PLCG1: variants seen among roughly 807,000 people sequenced by gnomAD.
PLCG1 encodes the protein 1-phosphatidylinositol 4,5-bisphosphate phosphodiesterase gamma-1.
PLCG1 carries 71 observed loss-of-function variants against 177.8 expected under a neutral mutation model. That is an observed-to-expected ratio of 0.40 (90% CI 0.33 to 0.49). The LOEUF is 0.49. Ranked by LOEUF, PLCG1 falls within the 20% of genes least tolerant of loss-of-function variation. The pLI, the probability that PLCG1 is intolerant of heterozygous loss-of-function variation, is 0.72. For missense variants in PLCG1, 1,281 were observed against 1,709.0 expected, an observed-to-expected ratio of 0.75 and a Z score of 4.42; for synonymous variants, 658 against 647.9, an observed-to-expected ratio of 1.02 and a Z score of -0.24.
At position 41,161,290 on chromosome 20, in the gene PLCG1, G is replaced by A. The variant is rs1351423620; in HGVS notation, c.512+1137G>A. Among the ~76,000 whole-genome samples, 17 of 152,162 alleles carry A rather than the reference G, an allele frequency of 1.1e-4. 1 individual carries two copies. The highest frequency in any genetic ancestry group is 1.1e-3 in the Admixed American group (17 of 15,288). On this transcript the variant is annotated intron_variant, in intron 4 of 31. Coordinates refer to ENST00000685551, the MANE Select transcript of PLCG1 (RefSeq NM_002660.3). ...ACCCTTGGATTTAACATGGTGAGAA[G>A]AGCGGTGTCACCCTAGCGGTGAGGG...
chr20:41,168,657 C>T (rs2035784921), intron 20 of PLCG1, 110 bp from the exon 21 acceptor site: 1 of 686,762 alleles, frequency 1.5e-6, no homozygotes, highest in Non-Finnish European at 2.7e-6. Context: ...TCCCACTGGC[C>T]TGACCCCAGG....
In PLCG1 at chr20:41,167,747, A is replaced by C. The variant is rs2035750857; in HGVS notation, c.2302-105A>C. On this transcript the variant is annotated intron_variant, in intron 19 of 31. Transcript: ENST00000685551. This position sits in a 1 kb window ranked among gnomAD's most constrained non-coding sequence, Gnocchi z 4.4. ...CGAAGGATCCCTGTGGATCAGGTGCAAGTTTGCTGCACTGGGGGAAAGGGA... is the reference window on the plus strand; with the variant it reads ...CGAAGGATCCCTGTGGATCAGGTGCCAGTTTGCTGCACTGGGGGAAAGGGA... 10 of 784,912 alleles carry C rather than the reference A, an allele frequency of 1.3e-5. No individual in the cohort carries two copies. Among genetic ancestry groups the C allele is most frequent in the Non-Finnish European group, 2.2e-5 (10 of 448,584 alleles). The allele number at this position is 784,912 out of a possible 1,614,324, so 48.6% of individuals were successfully genotyped here.
intron 4 of PLCG1, among the ~76,000 whole-genome samples, chr20:41,162,165 A>C (rs2035520498): frequency 6.7e-6 from 1 of 149,140 alleles, no homozygotes; most frequent in East Asian, 2.0e-4. Flanking sequence ...CCCATGCCTG[A>C]CCCACTTTAC....
rs892985754 is a variant in PLCG1 at position 41,164,881 on chromosome 20, G to C, written c.1218-52G>C. On this transcript the variant is annotated intron_variant, in intron 12 of 31. Coordinates refer to ENST00000685551, the MANE Select transcript of PLCG1 (RefSeq NM_002660.3). This position sits in a 1 kb window ranked among gnomAD's most constrained non-coding sequence, Gnocchi z 6.4. ...ACAGCTCACTGTGAGGGGCTACTTAGACCCAGAGAATTGCAGAATCTGTTT... is the reference window on the plus strand; with the variant it reads ...ACAGCTCACTGTGAGGGGCTACTTACACCCAGAGAATTGCAGAATCTGTTT... 5.1e-6 allele frequency: 8 copies of C among 1,570,086 alleles called. No individual in the cohort carries two copies. In the African/African-American group the frequency reaches 9.4e-5, roughly 19 times the overall value.
chr20:41,177,269 A>AC lies in PLCG1; in HGVS notation c.*2761dup, dbSNP rs2036090157. 2.0e-5 allele frequency: 3 copies of AC among 152,272 alleles called. No individual in the cohort carries two copies. In the South Asian group the frequency reaches 6.2e-4, roughly 32 times the overall value. 9.4% of individuals were successfully genotyped at this position (152,272 alleles called of 1,614,324 possible). ...AACAGCTTTGGCTCAGCAGACATGT[A>AC]CACATACAAAGTAGAGCCTACAAGG... On this transcript the variant is annotated 3_prime_UTR_variant, in exon 32 of 32. Transcript: ENST00000685551.
chr20:41,157,075 C>T lies in PLCG1; in HGVS notation c.218-2531C>T, dbSNP rs2146026327. On this transcript the variant is annotated intron_variant, in intron 1 of 31. Coordinates refer to ENST00000685551, the MANE Select transcript of PLCG1 (RefSeq NM_002660.3). The surrounding 1 kb of genome is among the most constrained non-coding windows in gnomAD (Gnocchi z 5.4). ...AGTACAAGGGATCAGGTGTGGCCAA[C>T]AGGAACTTGGGAGCATTGGATGCCT... Among the ~76,000 whole-genome samples the T allele has an allele frequency of 6.6e-6, 1 of 152,372 alleles. No individual in the cohort carries two copies. The highest frequency in any genetic ancestry group is 2.1e-4 in the South Asian group (1 of 4,832).
chr20:41,138,768 T>A (rs943603463), intron 1 of PLCG1, among the ~76,000 whole-genome samples: 6 of 152,198 alleles, frequency 3.9e-5, no homozygotes, highest in Non-Finnish European at 8.8e-5. Flanking sequence ...TGAGCTTGGC[T>A]GCTTTTGCGC....
chr20:41,159,692 G>T lies in PLCG1; in HGVS notation c.304G>T (p.Asp102Tyr). The stretch of plus-strand genomic sequence containing the variant: ...TCAAGAGGACCCAGCTTTCCGGCCG[G>T]ACCAGTCACATTGCTTTGTCATTCT... ...RYQEDPAFRP[D>Y]QSHCFVILYG... Residue 102 changes from aspartate to tyrosine, a missense_variant, in exon 2 of 32, where the codon GAC (aspartate) becomes TAC (tyrosine). By Grantham distance (160) the Asp-to-Tyr change is radical (BLOSUM62 -3). Around this residue, in one of 4 missense-constraint regions of PLCG1, gnomAD observed 374 missense variants for 443.8 expected, o/e 0.84. Transcript: ENST00000685551. The surrounding 1 kb of genome is among the most constrained non-coding windows in gnomAD (Gnocchi z 6.0). 6.2e-7 allele frequency: 1 copy of T among 1,614,214 alleles called. No homozygotes were observed. The highest frequency in any genetic ancestry group is 8.5e-7 in the Non-Finnish European group (1 of 1,180,032).
Position 41,165,830 on chromosome 20 carries a change from AC to A in PLCG1, c.1799+5del. The A allele has an allele frequency of 6.4e-7, 1 of 1,573,294 alleles. No individual in the cohort carries two copies. On this transcript the variant is annotated splice_donor_5th_base_variant and intron_variant, in intron 16 of 31. Transcript: ENST00000685551. The surrounding 1 kb of genome is among the most constrained non-coding windows in gnomAD (Gnocchi z 6.6). ...GCGACTACACGCTCTCTTTCTGGTAACACTTCCCATGCAGATGCGTATGTTC... is the reference window on the plus strand; with the variant it reads ...GCGACTACACGCTCTCTTTCTGGTAAACTTCCCATGCAGATGCGTATGTTC...
rs748327926 is a variant in PLCG1 at position 41,159,743 on chromosome 20, A to G, written c.355A>G (p.Thr119Ala). ...ILYGMEFRLK[T>A]LSLQATSEDE... ...CTATGGAATGGAATTTCGCCTGAAA[A>G]CGCTGAGCCTGCAAGGTGGGAGTTA... The change falls in exon 2 of 32, where the codon ACG becomes GCG. Residue 119 changes from threonine (T) to alanine (A), a missense_variant. This residue lies in a region of PLCG1 where 374 missense variants were observed against 443.8 expected (regional missense o/e 0.84). Transcript: ENST00000685551. The surrounding 1 kb of genome is among the most constrained non-coding windows in gnomAD (Gnocchi z 6.0). 6.2e-7 allele frequency: 1 copy of G among 1,614,166 alleles called. No homozygotes were observed.
chr20:41,171,915 C>T (rs545594662), intron 24 of PLCG1, among the ~76,000 whole-genome samples: 3 of 152,268 alleles, frequency 2.0e-5, no homozygotes, highest in Admixed American at 2.0e-4. Flanking sequence ...TCACTGGGAA[C>T]ATGGGTGGTG....
chr20:41,164,667 GA>G lies in PLCG1; in HGVS notation c.1218-263del, dbSNP rs1323845366. Reference sequence around the variant, plus strand: ...TCCTCTCTCCTGGCCTCTTTGGTGTGAAACATTTTTCTTGCACTGCTGAGCA... The same window carrying G: ...TCCTCTCTCCTGGCCTCTTTGGTGTGAACATTTTTCTTGCACTGCTGAGCA... On this transcript the variant is annotated intron_variant, in intron 12 of 31. Coordinates refer to ENST00000685551, the MANE Select transcript of PLCG1 (RefSeq NM_002660.3). The surrounding 1 kb of genome is among the most constrained non-coding windows in gnomAD (Gnocchi z 6.4). Among the ~76,000 whole-genome samples the G allele has an allele frequency of 3.3e-5, 5 of 152,156 alleles. No individual in the cohort carries two copies. The highest frequency in any genetic ancestry group is 1.2e-4 in the African/African-American group (5 of 41,438).
rs1290785527 is a variant in PLCG1 at position 41,168,761 on chromosome 20, C to T, written c.2380-6C>T. The T allele has an allele frequency of 1.0e-5, 16 of 1,580,526 alleles. No homozygotes were observed. Among genetic ancestry groups the T allele is most frequent in the Non-Finnish European group, 1.4e-5 (16 of 1,151,308 alleles). ...CTGCTCTGACTGGTGCTTCTCACCTCTGCAGTGTGCAGTCAAAGCCCTCTT... is the reference window on the plus strand; with the variant it reads ...CTGCTCTGACTGGTGCTTCTCACCTTTGCAGTGTGCAGTCAAAGCCCTCTT... On this transcript the variant is annotated splice_region_variant and splice_polypyrimidine_tract_variant and intron_variant, in intron 20 of 31. Coordinates refer to ENST00000685551, the MANE Select transcript of PLCG1 (RefSeq NM_002660.3).
At position 41,174,063 on chromosome 20, in the gene PLCG1, C is replaced by A. The variant is rs538055488; in HGVS notation, c.3645+52C>A. On this transcript the variant is annotated intron_variant, in intron 30 of 31. Coordinates refer to ENST00000685551, the MANE Select transcript of PLCG1 (RefSeq NM_002660.3). This position sits in a 1 kb window ranked among gnomAD's most constrained non-coding sequence, Gnocchi z 5.8. ...TGGGGTAGGTGGGAGGAGAGCCAGG[C>A]AGCAGCCTCTAGAAGTGCAGAGGAG... 6.2e-7 allele frequency: 1 copy of A among 1,605,120 alleles called. No homozygotes were observed. Among genetic ancestry groups the A allele is most frequent in the Admixed American group, 1.7e-5 (1 of 59,988 alleles).
rs369198139 is a variant in PLCG1 at position 41,166,605 on chromosome 20, G to A, written c.2120+10G>A. 311 of 1,614,094 alleles carry A rather than the reference G, an allele frequency of 1.9e-4. No homozygotes were observed. The highest frequency in any genetic ancestry group is 2.6e-4 in the Non-Finnish European group (302 of 1,180,042). ...ATGCCATCTCTTTCCGGTGAGGGGT[G>A]TGGCACTGGGTTGTGGGGCCTTGCT... On this transcript the variant is annotated intron_variant, in intron 18 of 31. Coordinates refer to ENST00000685551, the MANE Select transcript of PLCG1 (RefSeq NM_002660.3). This position sits in a 1 kb window ranked among gnomAD's most constrained non-coding sequence, Gnocchi z 8.6.
intron 20 of PLCG1, 22 bp from the exon 21 acceptor site, chr20:41,168,745 C>T (rs2035788901): frequency 6.7e-7 from 1 of 1,484,376 alleles, no homozygotes; most frequent in East Asian, 2.3e-5. Context: ...TCTGCTCTGA[C>T]TGGTGCTTCT....
rs1335704166 is a variant in PLCG1, at chr20:41,172,241, C to G, written c.2857C>G (p.Leu953Val). ...ACGGAGGAAGAAGATTGCCCTGGAG[C>G]TCTCTGAACTTGTCGTCTACTGCCG... ...MERRKKIALE[L>V]SELVVYCRPV... The change falls in exon 25 of 32, where the codon CTC (leucine) becomes GTC (valine). Residue 953 changes from leucine (L) to valine (V), a missense_variant. Leu to Val is a conservative substitution (Grantham distance 32). This residue lies in a region of PLCG1 where 723 missense variants were observed against 1,030.0 expected (regional missense o/e 0.70). Coordinates refer to ENST00000685551, the MANE Select transcript of PLCG1 (RefSeq NM_002660.3). The surrounding 1 kb of genome is among the most constrained non-coding windows in gnomAD (Gnocchi z 7.0). 6.2e-7 allele frequency: 1 copy of G among 1,614,116 alleles called. No homozygotes were observed. Among genetic ancestry groups the G allele is most frequent in the Middle Eastern group, 1.7e-4 (1 of 6,060 alleles).
rs765338557 is a variant in PLCG1 at position 41,167,590 on chromosome 20, C to A, written c.2302-262C>A. 9.9e-5 allele frequency: 50 copies of A among 505,952 alleles called. No individual in the cohort carries two copies. The highest frequency in any genetic ancestry group is 1.6e-4 in the Non-Finnish European group (46 of 280,962). The allele number at this position is 505,952 out of a possible 1,614,324, so 31.3% of individuals were successfully genotyped here. On this transcript the variant is annotated intron_variant, in intron 19 of 31. Transcript: ENST00000685551. This position sits in a 1 kb window ranked among gnomAD's most constrained non-coding sequence, Gnocchi z 4.4. Reference sequence around the variant, plus strand: ...CCCACCTGCACATAGCTCAGAAATACTTGGGAGTTTGGGCATTTAGGACCT... The same window carrying A: ...CCCACCTGCACATAGCTCAGAAATAATTGGGAGTTTGGGCATTTAGGACCT...
rs1331009550 is a variant in PLCG1 at position 41,160,885 on chromosome 20, T to C, written c.512+732T>C. ...AAAACAGAGTCACCATTGACTGAGA[T>C]GAGAAGATCATGGGACTAGCCCATT... On this transcript the variant is annotated intron_variant, in intron 4 of 31. Coordinates refer to ENST00000685551, the MANE Select transcript of PLCG1 (RefSeq NM_002660.3). The surrounding 1 kb of genome is among the most constrained non-coding windows in gnomAD (Gnocchi z 5.5). Among the ~76,000 whole-genome samples the C allele has an allele frequency of 1.3e-5, 2 of 152,098 alleles. No homozygotes were observed. Among genetic ancestry groups the C allele is most frequent in the African/African-American group, 4.8e-5 (2 of 41,408 alleles).
Sources: allele counts gnomAD v4.1 joint callset (sites outside exome capture counted in the v4.1 genomes callset), GRCh38; gene constraint gnomAD v4.1.1; regional missense constraint gnomAD v4.1.1; non-coding constraint Gnocchi (gnomAD v3.1); transcripts MANE v1.5; gene names NCBI Gene and HGNC (gene_info 2026-07-23, HGNC 2026-07-21).